DMXL2: variants seen among roughly 807,000 people sequenced by gnomAD.
The protein encoded by DMXL2 is dmX-like protein 2.
A neutral mutation model predicts 331.1 loss-of-function variants in DMXL2; 103 were observed. That is an observed-to-expected ratio of 0.31 (90% CI 0.27 to 0.37). DMXL2 has a LOEUF of 0.37. Ranked by LOEUF, DMXL2 falls within the 10% of genes least tolerant of loss-of-function variation. The pLI is 1.00. For synonymous variants in DMXL2, 1,281 were observed against 1,252.1 expected, an observed-to-expected ratio of 1.02 and a Z score of -0.49; for missense variants, 3,171 against 3,642.9, an observed-to-expected ratio of 0.87 and a Z score of 3.33.
Position 51,542,397 on chromosome 15 carries a change from G to A in DMXL2, c.1041C>T (p.His347=), listed in dbSNP as rs779304509. Residue 347 remains histidine, a synonymous_variant, in exon 9 of 44, where the codon CAC becomes CAT. Transcript: ENST00000560891. ...AGAGTGCATTTGCATGGTGGGAAATGTGTCTTTGAACTTCATGCATTGCTG... is the reference window on the plus strand; with the variant it reads ...AGAGTGCATTTGCATGGTGGGAAATATGTCTTTGAACTTCATGCATTGCTG... ...DQTAMHEVQR[H]ISHHANALCH... The A allele has an allele frequency of 1.2e-6, 2 of 1,613,852 alleles. No individual in the cohort carries two copies. Among genetic ancestry groups the A allele is most frequent in the Non-Finnish European group, 1.7e-6 (2 of 1,179,836 alleles).
intron 1 of DMXL2, among the ~76,000 whole-genome samples, chr15:51,597,674 T>A (rs2052924992): frequency 6.6e-6 from 1 of 152,232 alleles, no homozygotes; most frequent in Non-Finnish European, 1.5e-5. Context: ...AACTGATGGA[T>A]CACAGGTTAG....
intron 5 of DMXL2, 40 bp from the exon 6 acceptor site, chr15:51,563,487 C>G: frequency 1.4e-6 from 2 of 1,421,702 alleles, no homozygotes; most frequent in Non-Finnish European, 1.9e-6. Flanking sequence ...CTTTTAAAAT[C>G]TGGTGTACTG....
At position 51,481,614 on chromosome 15, in the gene DMXL2, T is replaced by C. The variant is rs1567009809; in HGVS notation, c.5492A>G (p.Lys1831Arg). Residue 1831 changes from lysine (K) to arginine (R), a missense_variant, in exon 24 of 44, where the codon AAG becomes AGG. Coordinates refer to ENST00000560891, the MANE Select transcript of DMXL2 (RefSeq NM_001378457.1). Reference sequence around the variant, plus strand: ...ACTAAATGCCACCGGGTTACAAGACTTGATGATAACTATAGAAATCAAACA... The same window carrying C: ...ACTAAATGCCACCGGGTTACAAGACCTGATGATAACTATAGAAATCAAACA... ...KEDDEHQVII[K>R]SCNPVAFSFY... 4 of 1,550,132 alleles carry C rather than the reference T, an allele frequency of 2.6e-6. No individual in the cohort carries two copies. The highest frequency in any genetic ancestry group is 1.7e-4 in the Middle Eastern group (1 of 5,754).
intron 9 of DMXL2, among the ~76,000 whole-genome samples, chr15:51,540,687 T>C (rs1265180257): frequency 2.6e-5 from 4 of 152,222 alleles, no homozygotes. Context: ...TAAAATTATT[T>C]GCATTTAGTA....
At chr15:51,527,372 TG>T (rs1316434573) in intron 13 of DMXL2, among the ~76,000 whole-genome samples, 2 of 152,082 alleles carry the variant, frequency 1.3e-5, no homozygotes, top group African/African-American at 4.8e-5. Context: ...ACACCAGACG[TG>T]TCATACAAGA....
chr15:51,550,411 T>C (rs1211861113), intron 6 of DMXL2, among the ~76,000 whole-genome samples: 2 of 152,154 alleles, frequency 1.3e-5, no homozygotes, highest in African/African-American at 4.8e-5. Context: ...TTACATAGTA[T>C]GAAGTGATGT....
In DMXL2 at chr15:51,562,804, G is replaced by A. The variant is rs61514213; in HGVS notation, c.567+577C>T. On this transcript the variant is annotated intron_variant, in intron 6 of 43. Coordinates refer to ENST00000560891, the MANE Select transcript of DMXL2 (RefSeq NM_001378457.1). ...TCAGGAAGATAGGAGCAAGTGAAAT[G>A]AATATGTGTATATATTAGATGTGAA... is the stretch of plus-strand genomic sequence containing the variant. Among the ~76,000 whole-genome samples the A allele has an allele frequency of 6.4e-3, 972 of 152,252 alleles. 17 individuals carry two copies. The highest frequency in any genetic ancestry group is 0.022 in the African/African-American group (935 of 41,556).
At position 51,457,350 on chromosome 15, in the gene DMXL2, T is replaced by C; in HGVS notation, c.8315A>G (p.Gln2772Arg). ...PSSLPWLGTG[Q>R]TSTGASVLMK... ...TACCACACTAGCTCCAGTGCTAGTC[T>C]GTCCAGTGCCCAGCCATGGCAGAGA... Residue 2772 changes from glutamine (Q) to arginine (R), a missense_variant, in exon 37 of 44, where the codon CAG becomes CGG. By Grantham distance (43) the Gln-to-Arg change is conservative. Coordinates refer to ENST00000560891, the MANE Select transcript of DMXL2 (RefSeq NM_001378457.1). 1 of 1,614,164 alleles carries C rather than the reference T, an allele frequency of 6.2e-7. No homozygotes were observed. The highest frequency in any genetic ancestry group is 8.5e-7 in the Non-Finnish European group (1 of 1,179,986).
chr15:51,548,069 C>T (rs150862338), intron 6 of DMXL2, among the ~76,000 whole-genome samples: 30 of 152,214 alleles, frequency 2.0e-4, no homozygotes, highest in Non-Finnish European at 3.5e-4. Context: ...TCAATGCCCA[C>T]TTAAAATATT....
intron 23 of DMXL2, among the ~76,000 whole-genome samples, chr15:51,485,687 T>C (rs2042341944): frequency 6.6e-6 from 1 of 152,196 alleles, no homozygotes; most frequent in African/African-American, 2.4e-5. Flanking sequence ...CTGATAAATA[T>C]CCTTTAAGTG....
chr15:51,563,502 T>C (rs2050092689), intron 5 of DMXL2, 55 bp from the exon 6 acceptor site: 1 of 1,269,860 alleles, frequency 7.9e-7, no homozygotes, highest in Non-Finnish European at 1.1e-6. Flanking sequence ...GTACTGTATA[T>C]AAAAATGGTC....
At position 51,536,793 on chromosome 15, in the gene DMXL2, T is replaced by C. The variant is rs772129232; in HGVS notation, c.1687A>G (p.Met563Val). ...GDASSLSKNI[M>V]MYACINATKD... ...GTCGCATTTATACAGGCATACATCA[T>C]GATATTTTTACTAAGAGAGCTTGCA... The change falls in exon 12 of 44, where the codon ATG becomes GTG. Residue 563 changes from methionine to valine, a missense_variant. Physicochemically the swap from Met to Val is conservative, Grantham distance 21 (BLOSUM62 1). Transcript: ENST00000560891. 93 of 1,613,732 alleles carry C rather than the reference T, an allele frequency of 5.8e-5. No homozygotes were observed. In the Middle Eastern group the frequency reaches 6.6e-4, roughly 11 times the overall value.
chr15:51,589,684 C>CAT (rs1223274624), intron 1 of DMXL2, among the ~76,000 whole-genome samples: 1 of 152,094 alleles, frequency 6.6e-6, no homozygotes. Flanking sequence ...CATTAGATAG[C>CAT]TAAATGTACT....
chr15:51,499,667 C>G lies in DMXL2; in HGVS notation c.3557G>C (p.Gly1186Ala). 6.2e-7 allele frequency: 1 copy of G among 1,614,014 alleles called. No homozygotes were observed. The highest frequency in any genetic ancestry group is 1.1e-5 in the South Asian group (1 of 91,074). Residue 1186 changes from glycine to alanine, a missense_variant, in exon 18 of 44, where the codon GGA becomes GCA. Around this residue, in one of 7 missense-constraint regions of DMXL2, gnomAD observed 1,674 missense variants for 1,780.2 expected, o/e 0.94. Transcript: ENST00000560891. ...KEDGSHILTV[G>A]VGANIFMYGR... ...ATACATGAAGATATTCGCACCGACT[C>G]CCACTGTAAGAATGTGGGAGCCATC...
intron 13 of DMXL2, among the ~76,000 whole-genome samples, chr15:51,525,968 G>A (rs1324854276): frequency 6.6e-6 from 1 of 151,928 alleles, no homozygotes; most frequent in Non-Finnish European, 1.5e-5. Context: ...GGTAGCTGGG[G>A]AGTGGTTACA....
At chr15:51,601,958 T>A (rs2053255785) in intron 1 of DMXL2, among the ~76,000 whole-genome samples, 1 of 152,218 alleles carries the variant, frequency 6.6e-6, no homozygotes, top group Non-Finnish European at 1.5e-5. Flanking sequence ...TTAGATTTGT[T>A]GCTAGGTCCT....
intron 16 of DMXL2, among the ~76,000 whole-genome samples, chr15:51,506,070 CT>C (rs956251455): frequency 6.6e-6 from 1 of 152,080 alleles, no homozygotes; most frequent in African/African-American, 2.4e-5. Context: ...AATTGCATTT[CT>C]TTTTTTGAAA....
chr15:51,616,798 A>G (rs986031832), intron 1 of DMXL2, among the ~76,000 whole-genome samples: 3 of 151,974 alleles, frequency 2.0e-5, no homozygotes, highest in Admixed American at 6.6e-5. Flanking sequence ...TTAGCCTGGC[A>G]TGGTGGCACG....
intron 13 of DMXL2, among the ~76,000 whole-genome samples, chr15:51,532,135 C>T (rs1264679637): frequency 6.6e-6 from 1 of 150,456 alleles, no homozygotes; most frequent in Non-Finnish European, 1.5e-5. Context: ...TATCCATCAA[C>T]AGATGAATGG....
Sources: allele counts gnomAD v4.1 joint callset (sites outside exome capture counted in the v4.1 genomes callset), GRCh38; gene constraint gnomAD v4.1.1; regional missense constraint gnomAD v4.1.1; transcripts MANE v1.5; gene names NCBI Gene and HGNC (gene_info 2026-07-23, HGNC 2026-07-21).